The following PBX3 variants were observed in gnomAD, a reference collection of about 807,000 sequenced individuals.
PBX3 encodes pre-B-cell leukemia transcription factor 3.
PBX3 carries 14 observed loss-of-function variants against 48.5 expected under a neutral mutation model. That is an observed-to-expected ratio of 0.29 (90% confidence interval 0.19 to 0.45). PBX3 has a LOEUF of 0.45. PBX3 is among the 20% of genes least tolerant of loss of function. The pLI is 1.00. For missense variants in PBX3, 386 were observed against 546.7 expected, an observed-to-expected ratio of 0.71 and a Z score of 2.93; for synonymous variants, 210 against 200.3, an observed-to-expected ratio of 1.05 and a Z score of -0.41.
chr9:125,747,902 C>T (rs1187012103), intron 1 of PBX3, among the ~76,000 whole-genome samples: 1 of 151,820 alleles, frequency 6.6e-6, no homozygotes, highest in Non-Finnish European at 1.5e-5. Context: ...GCGTCCTTTC[C>T]CCCGTCCTGC....
At chr9:125,872,672 A>G (rs1316852309) in intron 2 of PBX3, among the ~76,000 whole-genome samples, 1 of 151,962 alleles carries the variant, frequency 6.6e-6, no homozygotes. Flanking sequence ...AGGCAGGAGG[A>G]TCGCTTGAGC....
chr9:125,949,458 C>G lies in PBX3; in HGVS notation c.844-11226C>G, dbSNP rs960283952. The G allele has an allele frequency of 4.5e-6, 7 of 1,550,452 alleles. No homozygotes were observed. In the African/African-American group the frequency reaches 9.6e-5, roughly 21 times the overall value. The stretch of plus-strand genomic sequence containing the variant: ...CTAGCGTGGTAAGTATTCACAGGCT[C>G]CCTGAAGGTATGAGCCAGGGAGGGG... On this transcript the variant is annotated intron_variant, in intron 5 of 8. Transcript: ENST00000373489.
chr9:125,929,367 G>C (rs1178238431), intron 3 of PBX3, among the ~76,000 whole-genome samples: 1 of 152,210 alleles, frequency 6.6e-6, no homozygotes, highest in Non-Finnish European at 1.5e-5. Flanking sequence ...TATGGGAATT[G>C]ATAGGGAGCA....
intron 2 of PBX3, among the ~76,000 whole-genome samples, chr9:125,773,431 G>C (rs1261836886): frequency 1.3e-5 from 2 of 152,142 alleles, no homozygotes; most frequent in East Asian, 3.8e-4. Flanking sequence ...TGCTCCAGTA[G>C]TATCCTGTGT....
intron 2 of PBX3, among the ~76,000 whole-genome samples, chr9:125,775,913 C>T (rs896617492): frequency 2.0e-5 from 3 of 152,156 alleles, no homozygotes; most frequent in African/African-American, 7.2e-5. Flanking sequence ...TCAGCAATGT[C>T]TAATAGTTTT....
chr9:125,889,453 G>A (rs768420345), intron 2 of PBX3, among the ~76,000 whole-genome samples: 24 of 152,180 alleles, frequency 1.6e-4, no homozygotes, highest in Non-Finnish European at 1.0e-4. Context: ...ATAAATAATG[G>A]ATGTATGGGA....
chr9:125,881,136 C>T (rs1411353), intron 2 of PBX3, among the ~76,000 whole-genome samples: 16,687 of 152,228 alleles, frequency 0.11, 1,259 homozygotes, highest in East Asian at 0.28. Flanking sequence ...CTTATCAGCT[C>T]TTCAATTTAT....
At chr9:125,780,463 G>C (rs1184830730) in intron 2 of PBX3, among the ~76,000 whole-genome samples, 2 of 125,200 alleles carry the variant, frequency 1.6e-5, no homozygotes, top group East Asian at 5.5e-4. Context: ...CCGGGCGGGG[G>C]GCTGACCCCC....
chr9:125,790,669 A>G (rs1837575733), intron 2 of PBX3, among the ~76,000 whole-genome samples: 2 of 152,050 alleles, frequency 1.3e-5, no homozygotes, highest in Non-Finnish European at 2.9e-5. Context: ...CCTGAATTCC[A>G]GTGATTCTTT....
At chr9:125,821,861 T>C (rs1340601205) in intron 2 of PBX3, among the ~76,000 whole-genome samples, 3 of 152,094 alleles carry the variant, frequency 2.0e-5, no homozygotes, top group Non-Finnish European at 4.4e-5. Flanking sequence ...TAATGAGAAA[T>C]AGAGCCTCAT....
chr9:125,794,390 A>T (rs900059671), intron 2 of PBX3, among the ~76,000 whole-genome samples: 1 of 152,214 alleles, frequency 6.6e-6, no homozygotes, highest in African/African-American at 2.4e-5. Context: ...TGTTAAGGCA[A>T]ATTGCCTCTT....
At chr9:125,913,387 C>T (rs1034114974) in intron 2 of PBX3, among the ~76,000 whole-genome samples, 1 of 151,982 alleles carries the variant, frequency 6.6e-6, no homozygotes, top group Non-Finnish European at 1.5e-5. Context: ...GTAATTGATA[C>T]TGTATACTTA....
chr9:125,846,812 G>A (rs1040839558), intron 2 of PBX3, among the ~76,000 whole-genome samples: 4 of 151,842 alleles, frequency 2.6e-5, no homozygotes, highest in African/African-American at 9.7e-5. Context: ...TATCCAAATT[G>A]TTTGTTTGAA....
intron 5 of PBX3, among the ~76,000 whole-genome samples, chr9:125,940,396 C>T (rs1181284819): frequency 6.6e-6 from 1 of 152,140 alleles, no homozygotes; most frequent in East Asian, 1.9e-4. Flanking sequence ...AGACTGTTTC[C>T]ATTCGTTTAA....
intron 2 of PBX3, among the ~76,000 whole-genome samples, chr9:125,891,858 T>C (rs368918100): frequency 2.0e-5 from 3 of 152,338 alleles, no homozygotes; most frequent in East Asian, 3.9e-4. Context: ...TCATCTTTAA[T>C]TTTACCCGTA....
intron 2 of PBX3, among the ~76,000 whole-genome samples, chr9:125,900,964 G>T (rs1016120767): frequency 6.6e-6 from 1 of 151,734 alleles, no homozygotes; most frequent in Non-Finnish European, 1.5e-5. Flanking sequence ...AAAACTGTTA[G>T]TATTGTAGAT....
At chr9:125,809,850 C>A (rs72752618) in intron 2 of PBX3, among the ~76,000 whole-genome samples, 316 of 152,010 alleles carry the variant, frequency 2.1e-3, no homozygotes, top group Non-Finnish European at 3.6e-3. Context: ...AAAAAGGCAA[C>A]CTGGTAGAAA....
intron 2 of PBX3, among the ~76,000 whole-genome samples, chr9:125,768,090 T>C (rs2131993302): frequency 6.6e-6 from 1 of 151,620 alleles, no homozygotes; most frequent in Non-Finnish European, 1.5e-5. Context: ...AAAAAAAAAT[T>C]ACTGGTTTAT....
intron 2 of PBX3, among the ~76,000 whole-genome samples, chr9:125,889,797 G>A (rs1281023042): frequency 6.7e-6 from 1 of 149,074 alleles, no homozygotes; most frequent in Non-Finnish European, 1.5e-5. Flanking sequence ...CGGCGCGAAC[G>A]CGGGAGGGGG....
Sources: allele counts gnomAD v4.1 joint callset (sites outside exome capture counted in the v4.1 genomes callset), GRCh38; gene constraint gnomAD v4.1.1; transcripts MANE v1.5; gene names NCBI Gene and HGNC (gene_info 2026-07-23, HGNC 2026-07-21).